The following SERTM2 variants were observed in gnomAD, a reference collection of about 807,000 sequenced individuals.
SERTM2 encodes serine rich and transmembrane domain containing 2, also known as serine-rich and transmembrane domain-containing protein 2.
intron 2 of SERTM2, among the ~76,000 whole-genome samples, chrX:111,513,573 C>A (rs1270810810): frequency 9.0e-6 from 1 of 111,522 alleles, no homozygotes; most frequent in Non-Finnish European, 1.9e-5. Context: ...GCAAAGAGAG[C>A]CATGACAATC....
At chrX:111,514,261 T>C (rs1395131135) in intron 2 of SERTM2, among the ~76,000 whole-genome samples, 1 of 111,635 alleles carries the variant, frequency 9.0e-6, no homozygotes, top group Non-Finnish European at 1.9e-5. Flanking sequence ...AAATGTTAGG[T>C]ACATTTCTTC....
intron 2 of SERTM2, among the ~76,000 whole-genome samples, chrX:111,514,517 T>C (rs1930277225): frequency 9.0e-6 from 1 of 111,722 alleles, no homozygotes; most frequent in African/African-American, 3.2e-5. Flanking sequence ...TGAAGAATTG[T>C]AGTATTTCCT....
intron 2 of SERTM2, among the ~76,000 whole-genome samples, chrX:111,515,339 A>G (rs1483144409): frequency 8.9e-6 from 1 of 111,843 alleles, no homozygotes; most frequent in Non-Finnish European, 1.9e-5. Flanking sequence ...TGAAAAATCC[A>G]TTAAGCTCTT....
chrX:111,518,771 A>C lies in SERTM2; in HGVS notation c.-87A>C, dbSNP rs1930361727. On this transcript the variant is annotated 5_prime_UTR_variant, in exon 3 of 3. Coordinates refer to ENST00000569275, the MANE Select transcript of SERTM2 (RefSeq NM_001354473.2). ...ACCAGATTGTTAGAACACGTCCAAT[A>C]GATTTAGAGACAGTCTAAGTGACTG... The C allele has an allele frequency of 3.4e-6, 1 of 294,829 alleles. No individual in the cohort carries two copies. The highest frequency in any genetic ancestry group is 2.8e-5 in the African/African-American group (1 of 36,232). 24.3% of individuals were successfully genotyped at this position (294,829 alleles called of 1,213,427 possible).
rs1488460752 is a variant in SERTM2 at position 111,513,163 on chromosome X, A to G, written c.-784+1069A>G. 3.8e-5 allele frequency among the ~76,000 whole-genome samples: 4 copies of G among 106,376 alleles called. No homozygotes were observed. In the East Asian group the frequency reaches 8.9e-4, roughly 24 times the overall value. 92.4% of individuals were successfully genotyped at this position (106,376 alleles called of 115,157 possible). On this transcript the variant is annotated intron_variant, in intron 2 of 2. Coordinates refer to ENST00000569275, the MANE Select transcript of SERTM2 (RefSeq NM_001354473.2). ...CCTTCCCTTCCTTCTCCCCCTCATAATCACTCATTTCCTGCCCCATCTTAT... is the reference window on the plus strand; with the variant it reads ...CCTTCCCTTCCTTCTCCCCCTCATAGTCACTCATTTCCTGCCCCATCTTAT...
intron 2 of SERTM2, among the ~76,000 whole-genome samples, chrX:111,514,238 C>T (rs1296318614): frequency 1.8e-5 from 2 of 111,609 alleles, no homozygotes; most frequent in African/African-American, 6.5e-5. Flanking sequence ...GACTGTGCCT[C>T]TCTTTGAACT....
rs1247165565 is a variant in SERTM2, at chrX:111,522,312, T to C, written c.*3182T>C. The C allele has an allele frequency of 8.9e-6, 1 of 112,255 alleles. No homozygotes were observed. Among genetic ancestry groups the C allele is most frequent in the Non-Finnish European group, 1.9e-5 (1 of 53,275 alleles). The allele number at this position is 112,255 out of a possible 1,213,427, so 9.3% of individuals were successfully genotyped here. On this transcript the variant is annotated 3_prime_UTR_variant, in exon 3 of 3. Coordinates refer to ENST00000569275, the MANE Select transcript of SERTM2 (RefSeq NM_001354473.2). ...TATTAATGTTTGAAATAGATTCATA[T>C]TGTATAAAAATGGAAATATATTTGC...
chrX:111,517,125 G>A (rs765151818), intron 2 of SERTM2, among the ~76,000 whole-genome samples: 1 of 111,115 alleles, frequency 9.0e-6, no homozygotes, highest in Non-Finnish European at 1.9e-5. Flanking sequence ...CTCAGAATAG[G>A]CATACCCTCT....
chrX:111,513,621 T>C (rs1339862934), intron 2 of SERTM2, among the ~76,000 whole-genome samples: 2 of 111,532 alleles, frequency 1.8e-5, no homozygotes, highest in Non-Finnish European at 3.8e-5. Context: ...GTCACAGATA[T>C]AGGACCAGAG....
intron 2 of SERTM2, among the ~76,000 whole-genome samples, chrX:111,513,056 C>T (rs1827052422): frequency 1.1e-5 from 1 of 94,419 alleles, no homozygotes; most frequent in Admixed American, 1.0e-4. Flanking sequence ...GGACATTGAC[C>T]AGTTATTAAA....
chrX:111,518,786 C>T lies in SERTM2; in HGVS notation c.-72C>T, dbSNP rs541263151. ...CACGTCCAATAGATTTAGAGACAGT[C>T]TAAGTGACTGTGAAATGCCTCAAGG... On this transcript the variant is annotated 5_prime_UTR_variant, in exon 3 of 3. Transcript: ENST00000569275. 11 of 296,760 alleles carry T rather than the reference C, an allele frequency of 3.7e-5. 1 individual carries two copies. Among genetic ancestry groups the T allele is most frequent in the African/African-American group, 8.1e-5 (3 of 36,894 alleles). The allele number at this position is 296,760 out of a possible 1,213,427, so 24.5% of individuals were successfully genotyped here.
At chrX:111,515,187 T>G (rs1301976909) in intron 2 of SERTM2, among the ~76,000 whole-genome samples, 1 of 111,558 alleles carries the variant, frequency 9.0e-6, no homozygotes, top group African/African-American at 3.3e-5. Flanking sequence ...TTCTGTATAC[T>G]TGGGGTCCAA....
At chrX:111,516,957 C>G (rs1347706589) in intron 2 of SERTM2, among the ~76,000 whole-genome samples, 2 of 111,371 alleles carry the variant, frequency 1.8e-5, no homozygotes, top group African/African-American at 6.5e-5. Context: ...TTTATTTTAG[C>G]CACCCATATT....
chrX:111,517,442 T>C (rs1189837918), intron 2 of SERTM2, among the ~76,000 whole-genome samples: 1 of 110,789 alleles, frequency 9.0e-6, no homozygotes, highest in Non-Finnish European at 1.9e-5. Flanking sequence ...CTTATTTAGA[T>C]ATGTGGGGTA....
chrX:111,515,823 C>T (rs993234392), intron 2 of SERTM2, among the ~76,000 whole-genome samples: 15 of 110,265 alleles, frequency 1.4e-4, no homozygotes, highest in African/African-American at 3.6e-4. Context: ...GGAAAGGGTC[C>T]GTGTTTTTAT....
intron 2 of SERTM2, among the ~76,000 whole-genome samples, chrX:111,514,355 C>T (rs760996146): frequency 9.0e-6 from 1 of 111,426 alleles, no homozygotes; most frequent in South Asian, 3.7e-4. Flanking sequence ...GAAAATGATC[C>T]TCAAGAATTT....
rs1190652045 is a variant in SERTM2, at chrX:111,522,085, T to A, written c.*2955T>A. On this transcript the variant is annotated 3_prime_UTR_variant, in exon 3 of 3. Coordinates refer to ENST00000569275, the MANE Select transcript of SERTM2 (RefSeq NM_001354473.2). ...CTAACCTTTCCATCCATGCCAAATCTGAAGCTTTGGACTCATAACTGAGTT... is the reference window on the plus strand; with the variant it reads ...CTAACCTTTCCATCCATGCCAAATCAGAAGCTTTGGACTCATAACTGAGTT... 1 of 111,762 alleles carries A rather than the reference T, an allele frequency of 8.9e-6. No homozygotes were observed. The highest frequency in any genetic ancestry group is 9.5e-5 in the Admixed American group (1 of 10,506). 9.2% of individuals were successfully genotyped at this position (111,762 alleles called of 1,213,427 possible). A position where few individuals can be genotyped will look rare whatever the true frequency, so the allele number is the denominator to read the frequency against.
rs1396868540 is a variant in SERTM2, at chrX:111,521,580, C to T, written c.*2450C>T. 9.0e-6 allele frequency: 1 copy of T among 111,525 alleles called. No homozygotes were observed. 9.2% of individuals were successfully genotyped at this position (111,525 alleles called of 1,213,427 possible). ...TTCCCCAATGTATTAACATATATTA[C>T]TGCTCAAAAAGGCAGCCAGAGTAAC... On this transcript the variant is annotated 3_prime_UTR_variant, in exon 3 of 3. Transcript: ENST00000569275.
At position 111,518,572 on chromosome X, in the gene SERTM2, T is replaced by C. The variant is rs1290502385; in HGVS notation, c.-286T>C. 7.7e-6 allele frequency: 2 copies of C among 258,262 alleles called. No homozygotes were observed. The highest frequency in any genetic ancestry group is 1.4e-5 in the Non-Finnish European group (2 of 145,938). 21.3% of individuals were successfully genotyped at this position (258,262 alleles called of 1,213,427 possible). A position where few individuals can be genotyped will look rare whatever the true frequency, so the allele number is the denominator to read the frequency against. On this transcript the variant is annotated 5_prime_UTR_variant, in exon 3 of 3. Coordinates refer to ENST00000569275, the MANE Select transcript of SERTM2 (RefSeq NM_001354473.2). ...ATTTTAATCAGTATAAAAGTAGGAG[T>C]GTGGAAAATAAAACATTACTTGTAT...
Sources: allele counts gnomAD v4.1 joint callset (sites outside exome capture counted in the v4.1 genomes callset), GRCh38; gene constraint gnomAD v4.1.1; transcripts MANE v1.5; gene names NCBI Gene and HGNC (gene_info 2026-07-23, HGNC 2026-07-21).